PTPRT: variants seen among roughly 807,000 people sequenced by gnomAD.
The protein encoded by PTPRT is receptor-type tyrosine-protein phosphatase T.
A neutral mutation model predicts 176.8 loss-of-function variants in PTPRT; 56 were observed. The ratio of observed to expected loss-of-function variants is 0.32; its 90% CI spans 0.26 to 0.40. PTPRT has a LOEUF of 0.40. PTPRT is among the 10% of genes least tolerant of loss of function. PTPRT has a pLI of 1.00. For missense variants in PTPRT, 1,540 were observed against 1,908.2 expected, an observed-to-expected ratio of 0.81 and a Z score of 3.60; for synonymous variants, 783 against 739.0, an observed-to-expected ratio of 1.06 and a Z score of -0.96.
At chr20:42,972,036 G>A (rs73273648) in intron 1 of PTPRT, among the ~76,000 whole-genome samples, 5,778 of 151,430 alleles carry the variant, frequency 0.038, 281 homozygotes, top group African/African-American at 0.11. Flanking sequence ...ACAACCTGAC[G>A]TGGTTATATG....
intron 2 of PTPRT, among the ~76,000 whole-genome samples, chr20:42,835,576 C>G (rs2078167533): frequency 6.6e-6 from 1 of 152,148 alleles, no homozygotes; most frequent in Admixed American, 6.5e-5. Context: ...GGAAGGGCTA[C>G]TGCTGTTCAC....
chr20:42,357,620 C>A (rs1158314939), intron 9 of PTPRT, among the ~76,000 whole-genome samples: 1 of 152,138 alleles, frequency 6.6e-6, no homozygotes, highest in Non-Finnish European at 1.5e-5. Context: ...GTGGCTTTGG[C>A]TTCTGTATCA....
downstream of PTPRT, among the ~76,000 whole-genome samples, chr20:42,070,702 A>AG (rs1304843845): frequency 6.6e-6 from 1 of 152,194 alleles, no homozygotes; most frequent in Non-Finnish European, 1.5e-5. Flanking sequence ...ATGCATAGAA[A>AG]GGTCTGGAAT....
chr20:42,239,644 G>A (rs750427048), intron 14 of PTPRT, among the ~76,000 whole-genome samples: 11 of 151,766 alleles, frequency 7.2e-5, no homozygotes, highest in African/African-American at 1.7e-4. Context: ...GGATGGTCTC[G>A]ATCTCCTGAC....
intron 1 of PTPRT, among the ~76,000 whole-genome samples, chr20:43,046,193 C>T (rs1288297397): frequency 2.6e-5 from 4 of 152,080 alleles, no homozygotes; most frequent in Admixed American, 1.3e-4. Flanking sequence ...GCAACGAAGG[C>T]GGCCAGCAGT....
At chr20:43,138,516 CTGAG>C (rs1393914308) in intron 1 of PTPRT, among the ~76,000 whole-genome samples, 1 of 152,224 alleles carries the variant, frequency 6.6e-6, no homozygotes, top group African/African-American at 2.4e-5. Context: ...ACTGTGAGGA[CTGAG>C]TGAAACAAAA....
intron 1 of PTPRT, among the ~76,000 whole-genome samples, chr20:42,977,660 T>C (rs1983026619): frequency 6.6e-6 from 1 of 152,224 alleles, no homozygotes. Context: ...TTTGCTAATT[T>C]TTAAACTAAA....
intron 6 of PTPRT, among the ~76,000 whole-genome samples, chr20:42,691,344 A>C (rs1268418270): frequency 1.3e-5 from 2 of 152,246 alleles, no homozygotes; most frequent in African/African-American, 4.8e-5. Context: ...AGCCACAGAA[A>C]GAAAGGCTTA....
intron 1 of PTPRT, among the ~76,000 whole-genome samples, chr20:43,093,176 CGAG>C (rs976019677): frequency 2.0e-5 from 3 of 152,120 alleles, no homozygotes; most frequent in African/African-American, 7.2e-5. Flanking sequence ...GGGGCTGTAT[CGAG>C]GAGGAGAGAT....
chr20:42,916,598 C>G (rs977285177), intron 1 of PTPRT, among the ~76,000 whole-genome samples: 14 of 152,170 alleles, frequency 9.2e-5, no homozygotes, highest in Non-Finnish European at 1.8e-4. Flanking sequence ...AAAAGTGTTC[C>G]TATTTCTCCA....
intron 13 of PTPRT, among the ~76,000 whole-genome samples, chr20:42,258,323 C>T (rs1332821076): frequency 6.6e-6 from 1 of 152,150 alleles, no homozygotes; most frequent in Non-Finnish European, 1.5e-5. Flanking sequence ...TTACATGAGC[C>T]AAATTATACA....
intron 5 of PTPRT, among the ~76,000 whole-genome samples, chr20:42,762,228 C>A (rs1016621580): frequency 6.6e-6 from 1 of 152,044 alleles, no homozygotes; most frequent in African/African-American, 2.4e-5. Flanking sequence ...GGTGAGGTTT[C>A]CTTATCCCCA....
rs774200700 is a variant in PTPRT, at chr20:42,678,134, T to C, written c.885A>G (p.Pro295=). Residue 295 remains proline (P), a synonymous_variant, in exon 7 of 31, where the codon CCA becomes CCG. Transcript: ENST00000373187. ...ATGTGGCCCCCACAGCCAGCAGCTCTGGGGGAGCAATGGGCGTGGGAGGCT... is the reference window on the plus strand; with the variant it reads ...ATGTGGCCCCCACAGCCAGCAGCTCCGGGGGAGCAATGGGCGTGGGAGGCT... ...VKEPPTPIAP[P]ELLAVGATYL... is the part of the protein sequence containing the mutation. The C allele has an allele frequency of 3.1e-6, 5 of 1,613,810 alleles. No homozygotes were observed. In the Admixed American group the frequency reaches 6.7e-5, roughly 22 times the overall value.
At chr20:43,070,718 C>A (rs1049212173) in intron 1 of PTPRT, among the ~76,000 whole-genome samples, 1 of 151,898 alleles carries the variant, frequency 6.6e-6, no homozygotes, top group African/African-American at 2.4e-5. Flanking sequence ...GGCAAACTCT[C>A]GCAAGGATAA....
At chr20:42,992,918 A>T (rs1330461678) in intron 1 of PTPRT, among the ~76,000 whole-genome samples, 1 of 152,176 alleles carries the variant, frequency 6.6e-6, no homozygotes, top group Non-Finnish European at 1.5e-5. Context: ...GCCACCTTTA[A>T]TATGTTACAT....
intron 7 of PTPRT, among the ~76,000 whole-genome samples, chr20:42,596,121 G>T (rs1324321220): frequency 4.6e-5 from 7 of 152,106 alleles, no homozygotes; most frequent in African/African-American, 7.2e-5. Context: ...AGACTTCTTG[G>T]TCTCAGGGGA....
intron 6 of PTPRT, among the ~76,000 whole-genome samples, chr20:42,748,322 C>A (rs761105394): frequency 2.0e-5 from 3 of 152,160 alleles, no homozygotes; most frequent in Non-Finnish European, 4.4e-5. Context: ...TGATACCATG[C>A]CTGCTCTCTG....
rs757068246 is a variant in PTPRT, at chr20:43,189,234, C to CGCTGCCCGAGGA, written c.88+400_88+411dup. ...ACCTGTCCTCCCCACTAAAAGCGCGCGCTGCCCGAGGAGCTGCCCGGGAGA... is the reference window on the plus strand; with the variant it reads ...ACCTGTCCTCCCCACTAAAAGCGCGCGCTGCCCGAGGAGCTGCCCGAGGAGCTGCCCGGGAGA... On this transcript the variant is annotated intron_variant, in intron 1 of 30. Transcript: ENST00000373187. The surrounding 1 kb of genome is among the most constrained non-coding windows in gnomAD (Gnocchi z 5.0). Among the ~76,000 whole-genome samples, 51 of 152,304 alleles carry CGCTGCCCGAGGA rather than the reference C, an allele frequency of 3.3e-4. No homozygotes were observed. Among genetic ancestry groups the CGCTGCCCGAGGA allele is most frequent in the Admixed American group, 2.3e-3 (35 of 15,306 alleles).
At chr20:42,772,333 G>A (rs912830299) in intron 4 of PTPRT, among the ~76,000 whole-genome samples, 2 of 152,164 alleles carry the variant, frequency 1.3e-5, no homozygotes, top group East Asian at 1.9e-4. Context: ...CTCTAGAAAC[G>A]TGCCCAATAT....
Sources: allele counts gnomAD v4.1 joint callset (sites outside exome capture counted in the v4.1 genomes callset), GRCh38; gene constraint gnomAD v4.1.1; non-coding constraint Gnocchi (gnomAD v3.1); transcripts MANE v1.5; gene names NCBI Gene and HGNC (gene_info 2026-07-23, HGNC 2026-07-21).